SAMMSON: variants seen among roughly 807,000 people sequenced by gnomAD.
SAMMSON encodes survival associated mitochondrial melanoma specific oncogenic non-coding RNA.
chr3:70,389,524 GTCTGTAAAGATGGCTGA>G (rs1402087945), intron 9 of SAMMSON: 15 of 152,122 alleles, frequency 9.9e-5, no homozygotes, highest in African/African-American at 3.6e-4. Context: ...CTATGCTCTA[GTCTGTAAAGATGGCTGA>G]CAACAATTTC....
chr3:70,122,202 C>CT (rs1349387403), intron 4 of SAMMSON, among the ~76,000 whole-genome samples: 1 of 151,996 alleles, frequency 6.6e-6, no homozygotes, highest in African/African-American at 2.4e-5. Flanking sequence ...ATTAATTTTC[C>CT]TTTTTTGTAA....
chr3:70,272,636 A>G (rs1701985729), intron 6 of SAMMSON, among the ~76,000 whole-genome samples: 1 of 152,186 alleles, frequency 6.6e-6, no homozygotes, highest in African/African-American at 2.4e-5. Context: ...AGAATTGCCC[A>G]GTCGAATGGC....
chr3:70,094,806 A>T (rs2067317886), intron 4 of SAMMSON: 1 of 152,240 alleles, frequency 6.6e-6, no homozygotes. Context: ...GTGCCAACCA[A>T]GGAGAATCAG....
At chr3:70,372,308 A>C (rs1702976926) in intron 9 of SAMMSON, among the ~76,000 whole-genome samples, 1 of 151,456 alleles carries the variant, frequency 6.6e-6, no homozygotes, top group South Asian at 2.1e-4. Flanking sequence ...TTTTATTTTT[A>C]TTTATATATT....
At chr3:70,317,541 G>A (rs113375272) in intron 7 of SAMMSON, among the ~76,000 whole-genome samples, 17 of 151,568 alleles carry the variant, frequency 1.1e-4, no homozygotes, top group African/African-American at 3.6e-4. Context: ...TATTCACTCT[G>A]TTGCAGCAGT....
chr3:70,285,266 T>C (rs945095480), intron 6 of SAMMSON, among the ~76,000 whole-genome samples: 20 of 143,288 alleles, frequency 1.4e-4, no homozygotes, highest in Admixed American at 1.0e-3. Flanking sequence ...GTCCATGTGT[T>C]CTCATTGTTC....
chr3:70,349,925 G>A (rs1480435587), intron 7 of SAMMSON, among the ~76,000 whole-genome samples: 1 of 152,150 alleles, frequency 6.6e-6, no homozygotes, highest in African/African-American at 2.4e-5. Context: ...TCAATGTGAA[G>A]TATGTTTTTT....
intron 4 of SAMMSON, among the ~76,000 whole-genome samples, chr3:70,112,317 T>A (rs2067392868): frequency 1.3e-5 from 2 of 152,082 alleles, no homozygotes; most frequent in African/African-American, 4.8e-5. Context: ...AATGTACAAT[T>A]ACGTACCCTA....
At chr3:70,032,116 C>G (rs767485743) in intron 3 of SAMMSON, among the ~76,000 whole-genome samples, 2 of 152,072 alleles carry the variant, frequency 1.3e-5, no homozygotes, top group African/African-American at 4.8e-5. Context: ...AATTTGGGAA[C>G]ATGATTCTTT....
chr3:70,246,026 A>G (rs996390141), intron 4 of SAMMSON, among the ~76,000 whole-genome samples: 5 of 151,668 alleles, frequency 3.3e-5, no homozygotes, highest in African/African-American at 1.2e-4. Context: ...TGCATTGTTA[A>G]ATATATATAT....
At chr3:70,334,623 G>C (rs575529520) in intron 7 of SAMMSON, among the ~76,000 whole-genome samples, 1 of 151,940 alleles carries the variant, frequency 6.6e-6, no homozygotes, top group East Asian at 1.9e-4. Context: ...TGTATGTCTG[G>C]CACTGTGCTA....
At chr3:70,265,841 G>A (rs996934430) in intron 6 of SAMMSON, among the ~76,000 whole-genome samples, 15 of 152,122 alleles carry the variant, frequency 9.9e-5, no homozygotes, top group Non-Finnish European at 1.8e-4. Context: ...GCCAGCCGGG[G>A]AAATGCCAGA....
intron 2 of SAMMSON, among the ~76,000 whole-genome samples, chr3:70,420,807 T>G (rs9820110): frequency 0.66 from 99,942 of 151,962 alleles, 33,040 homozygotes; most frequent in South Asian, 0.71. Context: ...GCTGAAAGTA[T>G]ACAAGATTAA....
At chr3:70,298,248 T>C (rs1001620738) in intron 7 of SAMMSON, among the ~76,000 whole-genome samples, 1 of 152,136 alleles carries the variant, frequency 6.6e-6, no homozygotes, top group Non-Finnish European at 1.5e-5. Context: ...TAGTTGATTC[T>C]GCCACTGGAG....
At chr3:70,385,403 T>G (rs1042984353) in intron 9 of SAMMSON, among the ~76,000 whole-genome samples, 7 of 152,098 alleles carry the variant, frequency 4.6e-5, no homozygotes, top group Admixed American at 4.6e-4. Context: ...ATTTCATTGT[T>G]GTAGGTGTGT....
At chr3:70,174,558 T>C (rs1700995512) in intron 4 of SAMMSON, among the ~76,000 whole-genome samples, 1 of 152,034 alleles carries the variant, frequency 6.6e-6, no homozygotes, top group Non-Finnish European at 1.5e-5. Context: ...AAATTACCAT[T>C]AATTATAAGA....
intron 6 of SAMMSON, among the ~76,000 whole-genome samples, chr3:70,262,760 A>G (rs1701878899): frequency 6.6e-6 from 1 of 152,046 alleles, no homozygotes; most frequent in Non-Finnish European, 1.5e-5. Context: ...TCAAATTTGG[A>G]AGATCTTTAG....
rs940480145 is a variant in SAMMSON at position 70,230,991 on chromosome 3, C to T, written n.508-18116C>T. On this transcript the variant is annotated intron_variant and non_coding_transcript_variant, in intron 4 of 9. Transcript: ENST00000642114. ...TGATTCCCTGCTCCAGGATGCTGCA[C>T]TGACCCTCCAGGGCCTAGCAGCCCT... is the stretch of plus-strand genomic sequence containing the variant. 2.6e-5 allele frequency among the ~76,000 whole-genome samples: 4 copies of T among 152,216 alleles called. No homozygotes were observed. In the South Asian group the frequency reaches 6.2e-4, roughly 24 times the overall value.
chr3:70,048,337 A>C (rs1394574294), intron 3 of SAMMSON, among the ~76,000 whole-genome samples: 1 of 152,052 alleles, frequency 6.6e-6, no homozygotes, highest in Non-Finnish European at 1.5e-5. Context: ...ACCTCTCTGA[A>C]ACTTGATTTC....
Sources: gnomAD v4.1 joint callset for allele counts (sites outside exome capture counted in the v4.1 genomes callset) on GRCh38, gnomAD v4.1.1 for gene constraint, MANE v1.5 for transcripts, NCBI Gene and HGNC (gene_info 2026-07-23, HGNC 2026-07-21) for gene names.